The following KCNIP1 variants were observed in gnomAD, a reference collection of about 807,000 sequenced individuals.
KCNIP1 encodes the protein potassium voltage-gated channel interacting protein 1.
A neutral mutation model predicts 33.0 loss-of-function variants in KCNIP1; 18 were observed. That is an observed-to-expected ratio of 0.55 (90% CI 0.38 to 0.81). The LOEUF (loss-of-function observed/expected upper bound fraction) is 0.81, where lower values mean the gene tolerates loss of function less well. Among genes scored for constraint, KCNIP1 ranks in the 30% least tolerant of loss-of-function variants. KCNIP1 has a pLI of 0.00. For synonymous variants in KCNIP1, 93 were observed against 98.3 expected (o/e 0.95, Z 0.32); for missense variants, 238 against 271.6 (o/e 0.88, Z 0.87).
At chr5:170,588,392 C>G (rs1393561141) in intron 1 of KCNIP1, among the ~76,000 whole-genome samples, 1 of 152,196 alleles carries the variant, frequency 6.6e-6, no homozygotes, top group Admixed American at 6.5e-5. Flanking sequence ...ATTATAAAGC[C>G]ACTCAGCTTT....
chr5:170,621,821 T>C (rs1759613899), intron 1 of KCNIP1, among the ~76,000 whole-genome samples: 1 of 152,170 alleles, frequency 6.6e-6, no homozygotes, highest in Non-Finnish European at 1.5e-5. Context: ...ATTCCCTTCT[T>C]TTTATCAGTT....
chr5:170,591,443 A>G (rs1005874912), intron 1 of KCNIP1, among the ~76,000 whole-genome samples: 1 of 152,242 alleles, frequency 6.6e-6, no homozygotes, highest in African/African-American at 2.4e-5. Context: ...AAATTGTGGT[A>G]AAATATATGT....
chr5:170,697,847 T>G (rs1036706024), intron 1 of KCNIP1, among the ~76,000 whole-genome samples: 1 of 152,074 alleles, frequency 6.6e-6, no homozygotes, highest in African/African-American at 2.4e-5. Context: ...CCTTCCCCAA[T>G]GGCCTTGGGA....
intron 6 of KCNIP1, 80 bp from the exon 7 acceptor site, chr5:170,733,756 C>A (rs1764290428): frequency 8.4e-7 from 1 of 1,196,044 alleles, no homozygotes; most frequent in Non-Finnish European, 1.2e-6. Context: ...TTACTCTGAG[C>A]TCCAGCAAGA....
intron 1 of KCNIP1, among the ~76,000 whole-genome samples, chr5:170,609,198 TC>T (rs143757880): frequency 6.6e-6 from 1 of 152,334 alleles, no homozygotes; most frequent in African/African-American, 2.4e-5. Context: ...GCGCTTCCTC[TC>T]TTCCTTTCAG....
intron 1 of KCNIP1, among the ~76,000 whole-genome samples, chr5:170,447,644 TG>T (rs1324062699): frequency 6.6e-6 from 1 of 151,966 alleles, no homozygotes; most frequent in African/African-American, 2.4e-5. Flanking sequence ...AAGACGGGGG[TG>T]TCTTCACAGG....
At chr5:170,562,816 C>G (rs1757078405) in intron 1 of KCNIP1, among the ~76,000 whole-genome samples, 1 of 152,202 alleles carries the variant, frequency 6.6e-6, no homozygotes, top group African/African-American at 2.4e-5. Context: ...TGAAACACAG[C>G]AAGCAGGACA....
chr5:170,619,930 G>A (rs926645634), intron 1 of KCNIP1, among the ~76,000 whole-genome samples: 3 of 152,122 alleles, frequency 2.0e-5, no homozygotes, highest in African/African-American at 7.2e-5. Flanking sequence ...GGAGGGTTGA[G>A]GGGTCTGAAG....
chr5:170,713,185 T>C (rs1246028848), intron 1 of KCNIP1, among the ~76,000 whole-genome samples: 1 of 152,240 alleles, frequency 6.6e-6, no homozygotes, highest in Non-Finnish European at 1.5e-5. Context: ...TGGATTTCTG[T>C]GTTCTCTTTT....
At position 170,721,662 on chromosome 5, in the gene KCNIP1, C is replaced by T. The variant is rs954014867; in HGVS notation, c.257-171C>T. ...TCTCACTTTTTGCTAGATCTAACTT[C>T]ACACCCAAACCCAAAGAGTTGAGTC... On this transcript the variant is annotated intron_variant, in intron 3 of 7. Coordinates refer to ENST00000328939, the MANE Select transcript of KCNIP1 (RefSeq NM_014592.4). The T allele has an allele frequency of 2.8e-6, 4 of 1,427,236 alleles. No individual in the cohort carries two copies. The African/African-American group carries it at 4.2e-5, about 15-fold the overall frequency. 88.4% of individuals were successfully genotyped at this position (1,427,236 alleles called of 1,614,324 possible).
intron 1 of KCNIP1, among the ~76,000 whole-genome samples, chr5:170,528,791 A>AG (rs1163783772): frequency 1.3e-5 from 2 of 152,204 alleles, no homozygotes. Flanking sequence ...TCATTTGGGA[A>AG]GGAAGAATTC....
At chr5:170,664,845 AG>A (rs1191020597) in intron 1 of KCNIP1, among the ~76,000 whole-genome samples, 1 of 152,172 alleles carries the variant, frequency 6.6e-6, no homozygotes, top group East Asian at 1.9e-4. Context: ...AAGGTGGTAA[AG>A]GGAGGTCTCT....
At chr5:170,561,764 T>C (rs933942774) in intron 1 of KCNIP1, among the ~76,000 whole-genome samples, 16 of 152,328 alleles carry the variant, frequency 1.1e-4, no homozygotes, top group African/African-American at 3.6e-4. Flanking sequence ...GAGTTCCCAC[T>C]GCGTGGTGGG....
intron 1 of KCNIP1, among the ~76,000 whole-genome samples, chr5:170,415,112 T>C (rs182059679): frequency 2.9e-4 from 44 of 152,334 alleles, no homozygotes; most frequent in Admixed American, 6.5e-4. Flanking sequence ...TTTTCTCTCT[T>C]TTTCTGTGAG....
chr5:170,423,884 A>G (rs1047723204), intron 1 of KCNIP1, among the ~76,000 whole-genome samples: 13 of 152,338 alleles, frequency 8.5e-5, no homozygotes, highest in Middle Eastern at 3.4e-3. Context: ...AGTAGCTGGA[A>G]GCTACCAAAC....
At chr5:170,705,623 T>C (rs1373594738) in intron 1 of KCNIP1, among the ~76,000 whole-genome samples, 1 of 152,214 alleles carries the variant, frequency 6.6e-6, no homozygotes, top group Non-Finnish European at 1.5e-5. Flanking sequence ...GAGGGTTGTG[T>C]TTGCTGGTGG....
At chr5:170,611,718 G>A (rs1055701707) in intron 1 of KCNIP1, among the ~76,000 whole-genome samples, 5 of 152,164 alleles carry the variant, frequency 3.3e-5, no homozygotes, top group African/African-American at 1.2e-4. Flanking sequence ...CGTTTTCAGA[G>A]GAAAGAGCAG....
chr5:170,705,218 G>A (rs1296450502), intron 1 of KCNIP1, among the ~76,000 whole-genome samples: 4 of 152,194 alleles, frequency 2.6e-5, no homozygotes, highest in African/African-American at 9.6e-5. Flanking sequence ...AATAATTCAA[G>A]GTGTGTCTGC....
chr5:170,630,047 G>A (rs1302418328), intron 1 of KCNIP1, among the ~76,000 whole-genome samples: 1 of 152,212 alleles, frequency 6.6e-6, no homozygotes, highest in Non-Finnish European at 1.5e-5. Flanking sequence ...GGGGGTGGGG[G>A]CCGGGGTAGC....
Sources: allele counts gnomAD v4.1 joint callset (sites outside exome capture counted in the v4.1 genomes callset), GRCh38; gene constraint gnomAD v4.1.1; transcripts MANE v1.5; gene names NCBI Gene and HGNC (gene_info 2026-07-23, HGNC 2026-07-21).